The following GPC5 variants were observed in gnomAD, a reference collection of about 807,000 sequenced individuals.
GPC5 encodes glypican 5, also known as glypican-5.
In GPC5, 47 loss-of-function variants were observed where a neutral mutation model predicts 53.9. That is an observed-to-expected ratio of 0.87 (90% CI 0.69 to 1.11). The LOEUF (loss-of-function observed/expected upper bound fraction) is 1.11. Ranked by LOEUF, GPC5 falls within the 50% of genes most tolerant of loss-of-function variation. GPC5 has a pLI of 0.00. For missense variants in GPC5, 748 were observed against 713.1 expected, an observed-to-expected ratio of 1.05 and a Z score of -0.56; for synonymous variants, 286 against 263.3, an observed-to-expected ratio of 1.09 and a Z score of -0.84.
chr13:91,834,691 A>G (rs1370613650), intron 5 of GPC5, among the ~76,000 whole-genome samples: 2 of 152,358 alleles, frequency 1.3e-5, no homozygotes, highest in African/African-American at 4.8e-5. Flanking sequence ...CTGGCTAGCC[A>G]TATGCAGAAA....
chr13:91,430,205 A>C (rs1463316977), intron 1 of GPC5, among the ~76,000 whole-genome samples: 1 of 152,206 alleles, frequency 6.6e-6, no homozygotes, highest in Non-Finnish European at 1.5e-5. Flanking sequence ...GGATGGTGGG[A>C]ACAGGAGAAA....
At chr13:91,939,799 T>C (rs558969120) in intron 6 of GPC5, among the ~76,000 whole-genome samples, 195 of 152,210 alleles carry the variant, frequency 1.3e-3, no homozygotes, top group Non-Finnish European at 1.5e-3. Flanking sequence ...TTGAAGGAGA[T>C]GGAACTGACA....
chr13:92,625,259 A>G (rs908758846), intron 7 of GPC5, among the ~76,000 whole-genome samples: 4 of 152,222 alleles, frequency 2.6e-5, no homozygotes, highest in Non-Finnish European at 4.4e-5. Flanking sequence ...TTTGATTTTC[A>G]TAACTCAGAT....
At chr13:92,685,549 T>TTTTTTTTTTAATTA in intron 7 of GPC5, among the ~76,000 whole-genome samples, 1 of 134,738 alleles carries the variant, frequency 7.4e-6, no homozygotes, top group Non-Finnish European at 1.6e-5. Flanking sequence ...TGCTCATTTT[T>TTTTTTTTTTAATTA]TTTTTTTTTA....
intron 2 of GPC5, among the ~76,000 whole-genome samples, chr13:91,684,704 C>T (rs2035583362): frequency 6.6e-6 from 1 of 152,172 alleles, no homozygotes; most frequent in Non-Finnish European, 1.5e-5. Context: ...CCCAGCAGTC[C>T]ATGCTCCATA....
intron 5 of GPC5, among the ~76,000 whole-genome samples, chr13:91,805,641 A>G (rs902943553): frequency 6.6e-6 from 1 of 152,236 alleles, no homozygotes; most frequent in Non-Finnish European, 1.5e-5. Flanking sequence ...GAAGTGTTGT[A>G]TTGATTCTCA....
intron 7 of GPC5, among the ~76,000 whole-genome samples, chr13:92,762,913 T>C (rs1433341075): frequency 3.3e-5 from 5 of 152,072 alleles, no homozygotes; most frequent in African/African-American, 1.2e-4. Flanking sequence ...GTTTTATTTT[T>C]ATTTCATTCA....
At chr13:91,795,968 G>T (rs2038039367) in intron 5 of GPC5, among the ~76,000 whole-genome samples, 1 of 152,142 alleles carries the variant, frequency 6.6e-6, no homozygotes, top group Non-Finnish European at 1.5e-5. Context: ...AGAAGTAAAT[G>T]CCTTCCTTTT....
chr13:92,244,678 C>T (rs975982190), intron 7 of GPC5, among the ~76,000 whole-genome samples: 1 of 152,266 alleles, frequency 6.6e-6, no homozygotes, highest in Middle Eastern at 3.4e-3. Flanking sequence ...ATACATGTAA[C>T]ATTTTCCTCT....
At chr13:91,464,017 T>C (rs908291091) in intron 2 of GPC5, among the ~76,000 whole-genome samples, 1 of 152,080 alleles carries the variant, frequency 6.6e-6, no homozygotes, top group African/African-American at 2.4e-5. Context: ...GTATCTAGAA[T>C]ATATTAAAAA....
chr13:92,361,580 TGAG>T (rs2043567409), intron 7 of GPC5, among the ~76,000 whole-genome samples: 1 of 151,542 alleles, frequency 6.6e-6, no homozygotes, highest in Admixed American at 6.6e-5. Flanking sequence ...CATCAGTGTC[TGAG>T]GAGGAGTGGA....
At chr13:91,947,861 TGTA>T (rs982041945) in intron 6 of GPC5, among the ~76,000 whole-genome samples, 8 of 152,056 alleles carry the variant, frequency 5.3e-5, no homozygotes, top group Admixed American at 1.3e-4. Flanking sequence ...ATAATAGGCA[TGTA>T]GTAGTTGTTG....
At chr13:92,740,892 TTATTTATA>T (rs1401903216) in intron 7 of GPC5, among the ~76,000 whole-genome samples, 3 of 40,424 alleles carry the variant, frequency 7.4e-5, no homozygotes, top group South Asian at 8.1e-4. Flanking sequence ...GTATATTTAT[TTATTTATA>T]TATATATATA....
At chr13:91,885,533 C>T (rs2039312937) in intron 5 of GPC5, among the ~76,000 whole-genome samples, 1 of 152,138 alleles carries the variant, frequency 6.6e-6, no homozygotes, top group Non-Finnish European at 1.5e-5. Context: ...GCATCTTTTC[C>T]CAATACACAA....
At chr13:92,717,632 T>C (rs536217130) in intron 7 of GPC5, among the ~76,000 whole-genome samples, 30 of 152,292 alleles carry the variant, frequency 2.0e-4, no homozygotes, top group African/African-American at 6.5e-4. Flanking sequence ...TTAAACATAA[T>C]GTAATTTGGC....
intron 2 of GPC5, among the ~76,000 whole-genome samples, chr13:91,673,137 A>G (rs377703696): frequency 1.7e-4 from 26 of 152,114 alleles, no homozygotes; most frequent in African/African-American, 5.8e-4. Context: ...ACAGCAAACC[A>G]GCATGGCACG....
chr13:92,521,934 A>G (rs1459044899), intron 7 of GPC5, among the ~76,000 whole-genome samples: 3 of 152,190 alleles, frequency 2.0e-5, no homozygotes, highest in Non-Finnish European at 4.4e-5. Context: ...TTTACAAGAA[A>G]AAAACAAACA....
chr13:92,322,234 G>T (rs1422323099), intron 7 of GPC5, among the ~76,000 whole-genome samples: 1 of 151,656 alleles, frequency 6.6e-6, no homozygotes, highest in Non-Finnish European at 1.5e-5. Flanking sequence ...CTTTAAAGGG[G>T]AGATGAGCAA....
Position 92,521,017 on chromosome 13 carries a change from C to T in GPC5, c.1562-345265C>T, listed in dbSNP as rs191265555. Among the ~76,000 whole-genome samples the T allele has an allele frequency of 3.2e-3, 481 of 152,198 alleles. 2 individuals carry two copies. The highest frequency in any genetic ancestry group is 3.4e-3 in the Non-Finnish European group (232 of 68,028). On this transcript the variant is annotated intron_variant, in intron 7 of 7. Transcript: ENST00000377067. ...AGAGAGCCAAATCATGAGTGAACTCCCATTCACAATTGATTCAAAGAGAAT... is the reference window on the plus strand; with the variant it reads ...AGAGAGCCAAATCATGAGTGAACTCTCATTCACAATTGATTCAAAGAGAAT...
Sources: allele counts gnomAD v4.1 joint callset (sites outside exome capture counted in the v4.1 genomes callset), GRCh38; gene constraint gnomAD v4.1.1; transcripts MANE v1.5; gene names NCBI Gene and HGNC (gene_info 2026-07-23, HGNC 2026-07-21).